ABCC4: variants seen among roughly 807,000 people sequenced by gnomAD.
The protein encoded by ABCC4 is ATP binding cassette subfamily C member 4 (PEL blood group).
A neutral mutation model predicts 168.5 loss-of-function variants in ABCC4; 102 were observed. The observed-to-expected ratio is 0.61, with a 90% CI of 0.52 to 0.71. ABCC4 has a LOEUF of 0.71. Among genes scored for constraint, ABCC4 ranks in the 30% least tolerant of loss-of-function variants. The probability of loss-of-function intolerance (pLI) is 0.00; values close to 1 mark genes in which losing one functional copy is unlikely to be tolerated. For synonymous variants in ABCC4, 617 were observed against 590.7 expected (o/e 1.04, Z -0.65); for missense variants, 1,402 against 1,605.8 (o/e 0.87, Z 2.17).
intron 3 of ABCC4, among the ~76,000 whole-genome samples, chr13:95,244,850 T>G (rs963423678): frequency 6.6e-6 from 1 of 151,474 alleles, no homozygotes; most frequent in African/African-American, 2.4e-5. Flanking sequence ...GCCCCCATAT[T>G]TGCCAGGTCC....
intron 1 of ABCC4, among the ~76,000 whole-genome samples, chr13:95,296,156 AC>A: frequency 3.3e-5 from 2 of 60,216 alleles, no homozygotes; most frequent in African/African-American, 7.2e-5. Flanking sequence ...ACACACACAC[AC>A]ACACACACAC....
chr13:95,022,023 G>C (rs2031115572), intron 30 of ABCC4, among the ~76,000 whole-genome samples: 1 of 152,166 alleles, frequency 6.6e-6, no homozygotes, highest in Admixed American at 6.5e-5. Flanking sequence ...AAGAGGCTGG[G>C]AAATCTAGCG....
intron 1 of ABCC4, among the ~76,000 whole-genome samples, chr13:95,296,822 T>C (rs1166510875): frequency 1.3e-5 from 2 of 152,144 alleles, no homozygotes; most frequent in African/African-American, 4.8e-5. Flanking sequence ...TCATAGGCTA[T>C]GCCACTTATT....
chr13:95,292,972 G>A (rs2041439901), intron 1 of ABCC4, among the ~76,000 whole-genome samples: 1 of 152,120 alleles, frequency 6.6e-6, no homozygotes. Context: ...GCAACCTTGG[G>A]TGTAACAAAC....
intron 4 of ABCC4, among the ~76,000 whole-genome samples, chr13:95,212,252 GGAGT>G (rs1455577860): frequency 1.3e-5 from 2 of 151,756 alleles, no homozygotes; most frequent in Non-Finnish European, 2.9e-5. Context: ...AGAAAATGTA[GGAGT>G]GAGGGAGAAG....
chr13:95,207,907 G>A lies in ABCC4; in HGVS notation c.804C>T (p.Phe268=). 1 of 1,613,792 alleles carries A rather than the reference G, an allele frequency of 6.2e-7. No homozygotes were observed. Among genetic ancestry groups the A allele is most frequent in the Non-Finnish European group, 8.5e-7 (1 of 1,179,964 alleles). ...FSSLRSKTAT[F]TDARIRTMNE... ...TCATGGTCCTGATCCTGGCATCCGT[G>A]AAAGTTGCAGTTTTACTCCTAAGGG... The change falls in exon 7 of 31, where the codon TTC becomes TTT. Residue 268 remains phenylalanine, a synonymous_variant. Transcript: ENST00000645237.
At chr13:95,215,960 G>A (rs1304330100) in intron 4 of ABCC4, among the ~76,000 whole-genome samples, 3 of 152,060 alleles carry the variant, frequency 2.0e-5, no homozygotes, top group African/African-American at 4.8e-5. Flanking sequence ...ATCCTCAGAA[G>A]TACAATTAGT....
intron 28 of ABCC4, 105 bp from the exon 29 acceptor site, chr13:95,043,892 T>A (rs1006587394): frequency 1.7e-5 from 12 of 718,496 alleles, no homozygotes; most frequent in African/African-American, 5.4e-5. Flanking sequence ...AAAGATCATA[T>A]CTATTTAATG....
intron 20 of ABCC4, among the ~76,000 whole-genome samples, chr13:95,084,704 C>T (rs1190685025): frequency 6.6e-6 from 1 of 152,044 alleles, no homozygotes; most frequent in East Asian, 1.9e-4. Flanking sequence ...GTATTTCAAA[C>T]GTCTATTTCA....
intron 4 of ABCC4, among the ~76,000 whole-genome samples, chr13:95,227,570 GT>G (rs1486001771): frequency 6.6e-6 from 1 of 152,128 alleles, no homozygotes; most frequent in East Asian, 1.9e-4. Flanking sequence ...ACACCACACA[GT>G]TTCACTTTGA....
At chr13:95,056,026 T>A (rs2033040107) in intron 26 of ABCC4, among the ~76,000 whole-genome samples, 1 of 152,070 alleles carries the variant, frequency 6.6e-6, no homozygotes, top group Admixed American at 6.6e-5. Flanking sequence ...AGCTTTCATA[T>A]AAACTTCTGG....
At chr13:95,035,188 A>T (rs2032068482) in intron 29 of ABCC4, among the ~76,000 whole-genome samples, 1 of 152,222 alleles carries the variant, frequency 6.6e-6, no homozygotes, top group Non-Finnish European at 1.5e-5. Context: ...GAGAGACCTG[A>T]CAGTAAATTA....
chr13:95,119,326 C>A (rs2035482585), intron 19 of ABCC4, among the ~76,000 whole-genome samples: 1 of 152,080 alleles, frequency 6.6e-6, no homozygotes, highest in Non-Finnish European at 1.5e-5. Context: ...TTAATAAGTG[C>A]ATCAAAGATG....
intron 19 of ABCC4, among the ~76,000 whole-genome samples, chr13:95,121,176 C>A (rs1398004783): frequency 6.6e-6 from 1 of 152,150 alleles, no homozygotes; most frequent in Non-Finnish European, 1.5e-5. Context: ...CAATACAGGG[C>A]AACTCACCCA....
At chr13:95,123,440 G>A (rs999841203) in intron 19 of ABCC4, among the ~76,000 whole-genome samples, 4 of 152,092 alleles carry the variant, frequency 2.6e-5, no homozygotes, top group South Asian at 2.1e-4. Context: ...TCGGCTCACC[G>A]CAACCTCCAC....
At chr13:95,161,370 A>C (rs750286797) in intron 18 of ABCC4, 35 bp from the exon 19 acceptor site, 2 of 1,474,838 alleles carry the variant, frequency 1.4e-6, no homozygotes, top group Middle Eastern at 1.8e-4. Context: ...AGAACACAGC[A>C]TATCTCTGCA....
Position 95,236,602 on chromosome 13 carries a change from G to GCA in ABCC4, c.307-1770_307-1769dup, listed in dbSNP as rs1555335144. On this transcript the variant is annotated intron_variant, in intron 3 of 30. Coordinates refer to ENST00000645237, the MANE Select transcript of ABCC4 (RefSeq NM_005845.5). ...TCGGCATGTGAACGCGCGCGTGCGCGCACACACACACACACACACTCTCTC... is the reference window on the plus strand; with the variant it reads ...TCGGCATGTGAACGCGCGCGTGCGCGCACACACACACACACACACACTCTCTC... 3.6e-3 allele frequency among the ~76,000 whole-genome samples: 277 copies of GCA among 76,622 alleles called. 1 individual carries two copies. The highest frequency in any genetic ancestry group is 9.0e-3 in the African/African-American group (250 of 27,888). 50.3% of individuals were successfully genotyped at this position (76,622 alleles called of 152,430 possible).
In ABCC4 at chr13:95,077,903, A is replaced by G. The variant is rs142622698; in HGVS notation, c.2687-2352T>C. On this transcript the variant is annotated intron_variant, in intron 21 of 30. Transcript: ENST00000645237. ...GGAGGTTCCACATATATCAGAGTCC[A>G]GAGTCCACAGTTCCGTAAGTGAAGG... 7.4e-3 allele frequency among the ~76,000 whole-genome samples: 1,134 copies of G among 152,250 alleles called. 5 individuals are homozygous for G. Among genetic ancestry groups the G allele is most frequent in the Non-Finnish European group, 0.011 (768 of 68,020 alleles).
chr13:95,289,412 C>G (rs1452229855), intron 1 of ABCC4, among the ~76,000 whole-genome samples: 1 of 152,188 alleles, frequency 6.6e-6, no homozygotes, highest in Non-Finnish European at 1.5e-5. Flanking sequence ...TTCCCAACTC[C>G]ATCATGTCCT....
Sources: gnomAD v4.1 joint callset for allele counts (sites outside exome capture counted in the v4.1 genomes callset) on GRCh38, gnomAD v4.1.1 for gene constraint, MANE v1.5 for transcripts, NCBI Gene and HGNC (gene_info 2026-07-23, HGNC 2026-07-21) for gene names.